The following RDX variants were observed in gnomAD, a reference collection of about 807,000 sequenced individuals.
RDX encodes radixin.
A neutral mutation model predicts 83.7 loss-of-function variants in RDX; 32 were observed. That is an observed-to-expected ratio of 0.38 (90% CI 0.29 to 0.51). The LOEUF is 0.51. Among genes scored for constraint, RDX ranks in the 20% least tolerant of loss-of-function variants. RDX has a pLI of 0.87. For missense variants in RDX, 600 were observed against 689.9 expected (o/e 0.87, Z 1.46); for synonymous variants, 229 against 222.7 (o/e 1.03, Z -0.25).
chr11:110,293,404 G>A (rs1258180127), intron 1 of RDX, among the ~76,000 whole-genome samples: 3 of 152,032 alleles, frequency 2.0e-5, no homozygotes, highest in Non-Finnish European at 4.4e-5. Flanking sequence ...AATGGCTTAA[G>A]CTATACATTC....
chr11:110,277,676 T>TAA (rs200327734), intron 2 of RDX, among the ~76,000 whole-genome samples: 3 of 141,158 alleles, frequency 2.1e-5, no homozygotes, highest in Non-Finnish European at 3.1e-5. Context: ...TTTTGTCCAC[T>TAA]AAAAAAAAAA....
chr11:110,236,938 G>C (rs956555274), intron 11 of RDX, among the ~76,000 whole-genome samples: 2 of 152,046 alleles, frequency 1.3e-5, no homozygotes, highest in African/African-American at 4.8e-5. Context: ...TCTTTTCAAA[G>C]GGAGGGAACT....
chr11:110,217,413 T>C (rs1233390694), intron 14 of RDX, among the ~76,000 whole-genome samples: 1 of 152,172 alleles, frequency 6.6e-6, no homozygotes, highest in Non-Finnish European at 1.5e-5. Context: ...GAATGACTAG[T>C]ACACAGCGCC....
chr11:110,284,526 A>T (rs985546681), intron 1 of RDX, among the ~76,000 whole-genome samples: 16 of 144,862 alleles, frequency 1.1e-4, no homozygotes, highest in Admixed American at 5.5e-4. Flanking sequence ...TATTATTATT[A>T]TTTTTTTTTT....
chr11:110,267,275 G>A (rs1056515390), intron 3 of RDX, among the ~76,000 whole-genome samples: 1 of 152,108 alleles, frequency 6.6e-6, no homozygotes, highest in Non-Finnish European at 1.5e-5. Context: ...CACTTTGGGA[G>A]GCCAAGGCAG....
intron 1 of RDX, 114 bp downstream of exon 1, chr11:110,296,353 T>G (rs968677103): frequency 1.4e-5 from 2 of 147,228 alleles, no homozygotes; most frequent in African/African-American, 4.9e-5. Flanking sequence ...CGCCAAGCCC[T>G]GGCGGCGGCG....
At chr11:110,204,109 A>G (rs1863514624) in intron 14 of RDX, among the ~76,000 whole-genome samples, 1 of 152,206 alleles carries the variant, frequency 6.6e-6, no homozygotes, top group African/African-American at 2.4e-5. Context: ...CAGTCAACTC[A>G]GTAAGAAACA....
In RDX at chr11:110,279,706, T is replaced by G. The variant is rs1418135758; in HGVS notation, c.-14A>C. On this transcript the variant is annotated 5_prime_UTR_variant, in exon 2 of 14. Coordinates refer to ENST00000645495, the MANE Select transcript of RDX (RefSeq NM_002906.4). ...TGGTTTCGGCATTTTCTTTCTCTTT[T>G]TGTTACCTTCTTTAAAAATTCTCCA... 1 of 1,522,350 alleles carries G rather than the reference T, an allele frequency of 6.6e-7. No homozygotes were observed. The highest frequency in any genetic ancestry group is 1.1e-5 in the South Asian group (1 of 88,416). 94.3% of individuals were successfully genotyped at this position (1,522,350 alleles called of 1,614,324 possible).
At chr11:110,265,264 G>C (rs1859989870) in intron 3 of RDX, among the ~76,000 whole-genome samples, 1 of 151,574 alleles carries the variant, frequency 6.6e-6, no homozygotes, top group Admixed American at 6.6e-5. Context: ...CTAATTTTTT[G>C]TATTTTTAGT....
chr11:110,197,556 TGAC>T (rs751841416), intron 15 of RDX, among the ~76,000 whole-genome samples: 6 of 152,180 alleles, frequency 3.9e-5, no homozygotes, highest in Non-Finnish European at 8.8e-5. Context: ...TTCCTACTTC[TGAC>T]GACAATAGCT....
chr11:110,246,408 C>T (rs560924519), intron 10 of RDX, among the ~76,000 whole-genome samples: 182 of 152,178 alleles, frequency 1.2e-3, no homozygotes, highest in African/African-American at 4.3e-3. Flanking sequence ...ACTGAGTATC[C>T]CTAATCCAAA....
intron 1 of RDX, 92 bp downstream of exon 1, chr11:110,296,375 C>A (rs906490476): frequency 4.6e-5 from 7 of 151,700 alleles, no homozygotes; most frequent in African/African-American, 1.7e-4. Context: ...CACGGCCGGG[C>A]AGCACGGGCC....
At chr11:110,176,810 G>A (rs572825525) in intron 15 of RDX, among the ~76,000 whole-genome samples, 1 of 152,310 alleles carries the variant, frequency 6.6e-6, no homozygotes, top group African/African-American at 2.4e-5. Context: ...AGGAGCCGAA[G>A]GTGGTGGGTG....
At chr11:110,208,860 G>A (rs1863702642) in intron 14 of RDX, among the ~76,000 whole-genome samples, 2 of 152,166 alleles carry the variant, frequency 1.3e-5, no homozygotes, top group Admixed American at 1.3e-4. Flanking sequence ...GGAGGCTGAG[G>A]CAGAAGAATC....
intron 14 of RDX, among the ~76,000 whole-genome samples, chr11:110,209,925 G>A (rs1330668932): frequency 6.7e-6 from 1 of 148,954 alleles, no homozygotes; most frequent in African/African-American, 2.5e-5. Flanking sequence ...CTAAAAAGCA[G>A]AGTGCCTCTC....
chr11:110,284,002 TA>T (rs1231000255), intron 1 of RDX, among the ~76,000 whole-genome samples: 1 of 151,746 alleles, frequency 6.6e-6, no homozygotes, highest in African/African-American at 2.4e-5. Context: ...AAACTTACGT[TA>T]AAAAAAACAC....
intron 4 of RDX, 79 bp from the exon 5 acceptor site, chr11:110,264,313 T>A: frequency 1.0e-6 from 1 of 985,014 alleles, no homozygotes; most frequent in Non-Finnish European, 1.5e-6. Flanking sequence ...AAATTCTTTT[T>A]GGAAGAAAAT....
At chr11:110,211,466 G>C (rs1041521147) in intron 14 of RDX, among the ~76,000 whole-genome samples, 2 of 151,004 alleles carry the variant, frequency 1.3e-5, no homozygotes, top group African/African-American at 4.9e-5. Flanking sequence ...ATTGAACTCA[G>C]CTCTGCACCA....
chr11:110,291,415 G>C (rs1271486969), intron 1 of RDX, among the ~76,000 whole-genome samples: 1 of 152,160 alleles, frequency 6.6e-6, no homozygotes, highest in Non-Finnish European at 1.5e-5. Flanking sequence ...GAACAGAGTT[G>C]GAAGAAAGGG....
Sources: allele counts gnomAD v4.1 joint callset (sites outside exome capture counted in the v4.1 genomes callset), GRCh38; gene constraint gnomAD v4.1.1; transcripts MANE v1.5; gene names NCBI Gene and HGNC (gene_info 2026-07-23, HGNC 2026-07-21).